STARD9: variants seen among roughly 807,000 people sequenced by gnomAD.
The protein encoded by STARD9 is StAR related lipid transfer domain containing 9, also known as stAR-related lipid transfer protein 9.
A neutral mutation model predicts 399.8 loss-of-function variants in STARD9; 346 were observed. The ratio of observed to expected loss-of-function variants is 0.87; its 90% CI spans 0.79 to 0.95. STARD9 has a LOEUF of 0.95. STARD9 is among the 40% of genes least tolerant of loss of function. The probability of loss-of-function intolerance (pLI) is 0.00; values close to 1 mark genes in which losing one functional copy is unlikely to be tolerated. For synonymous variants in STARD9, 2,203 were observed against 2,143.5 expected, an observed-to-expected ratio of 1.03 and a Z score of -0.77; for missense variants, 5,832 against 5,667.5, an observed-to-expected ratio of 1.03 and a Z score of -0.93.
intron 22 of STARD9, 149 bp from the exon 23 acceptor site, chr15:42,683,967 G>C (rs2060489578): frequency 1.6e-5 from 13 of 794,940 alleles, no homozygotes; most frequent in Non-Finnish European, 2.1e-5. Flanking sequence ...TAGGACTAGA[G>C]TCCACAATTT....
In STARD9 at chr15:42,685,230, C is replaced by A; in HGVS notation, c.3652C>A (p.Gln1218Lys). 1 of 1,537,320 alleles carries A rather than the reference C, an allele frequency of 6.5e-7. No homozygotes were observed. ...IDAEEELGED[Q>K]QEEPFPGSAD... ...TGCAGAGGAAGAACTGGGGGAAGATCAGCAAGAAGAACCTTTCCCTGGTTC... is the reference window on the plus strand; with the variant it reads ...TGCAGAGGAAGAACTGGGGGAAGATAAGCAAGAAGAACCTTTCCCTGGTTC... Residue 1218 changes from glutamine to lysine, a missense_variant, in exon 23 of 33, where the codon CAG becomes AAG. Around this residue, in one of 2 missense-constraint regions of STARD9, gnomAD observed 5,828 missense variants for 5,651.1 expected, o/e 1.03. Coordinates refer to ENST00000290607, the MANE Select transcript of STARD9 (RefSeq NM_020759.3).
In STARD9 at chr15:42,687,544, A is replaced by C; in HGVS notation, c.5966A>C (p.Asp1989Ala). 6.5e-7 allele frequency: 1 copy of C among 1,537,002 alleles called. No individual in the cohort carries two copies. The highest frequency in any genetic ancestry group is 8.7e-7 in the Non-Finnish European group (1 of 1,146,856). ...GLLEKGLRPK[D>A]SSEEFKLPGT... The stretch of plus-strand genomic sequence containing the variant: ...CTTGAAAAAGGTCTTCGTCCCAAAG[A>C]TAGCTCAGAAGAGTTTAAGCTTCCA... Residue 1989 changes from aspartate to alanine, a missense_variant, in exon 23 of 33, where the codon GAT (aspartate) becomes GCT (alanine). By Grantham distance (126) the Asp-to-Ala change is moderately radical (BLOSUM62 -2). Around this residue, in one of 2 missense-constraint regions of STARD9, gnomAD observed 5,828 missense variants for 5,651.1 expected, o/e 1.03. Coordinates refer to ENST00000290607, the MANE Select transcript of STARD9 (RefSeq NM_020759.3).
intron 20 of STARD9, among the ~76,000 whole-genome samples, chr15:42,678,036 C>T (rs2060346841): frequency 6.6e-6 from 1 of 152,180 alleles, no homozygotes; most frequent in African/African-American, 2.4e-5. Context: ...AGAATCAAGG[C>T]CTCTCCCACC....
chr15:42,650,329 C>A (rs373672158), intron 7 of STARD9, among the ~76,000 whole-genome samples: 8 of 152,294 alleles, frequency 5.3e-5, no homozygotes, highest in African/African-American at 1.9e-4. Context: ...TTGAATCTCT[C>A]ATACAGAGAT....
chr15:42,611,748 G>A (rs112292611), intron 3 of STARD9, among the ~76,000 whole-genome samples: 11 of 152,284 alleles, frequency 7.2e-5, no homozygotes, highest in Admixed American at 2.6e-4. Context: ...ATACAAGGAC[G>A]AGGGGTGATT....
intron 3 of STARD9, among the ~76,000 whole-genome samples, chr15:42,619,641 A>C (rs2059045988): frequency 6.6e-6 from 1 of 152,196 alleles, no homozygotes; most frequent in South Asian, 2.1e-4. Flanking sequence ...ACTCTTGTGA[A>C]AATGTAATGC....
chr15:42,663,792 G>A, intron 12 of STARD9, 28 bp from the exon 13 acceptor site: 1 of 1,485,582 alleles, frequency 6.7e-7, no homozygotes, highest in Non-Finnish European at 9.1e-7. Context: ...GGGCTGGCAT[G>A]TTTTTAAACT....
chr15:42,701,156 G>C (rs1201490897), intron 26 of STARD9, among the ~76,000 whole-genome samples: 1 of 152,104 alleles, frequency 6.6e-6, no homozygotes, highest in Non-Finnish European at 1.5e-5. Flanking sequence ...GATTACTATA[G>C]CTTGGTAGTA....
In STARD9 at chr15:42,716,876, T is replaced by G. The variant is rs2061360511; in HGVS notation, c.13373-51T>G. The G allele has an allele frequency of 1.6e-5, 24 of 1,535,482 alleles. 1 individual carries two copies. In the South Asian group the frequency reaches 2.7e-4, roughly 18 times the overall value. On this transcript the variant is annotated intron_variant, in intron 27 of 32. Coordinates refer to ENST00000290607, the MANE Select transcript of STARD9 (RefSeq NM_020759.3). ...GTCTGTGGGAGAGCTGTTGCTGTCC[T>G]GAGGCCCTGATGTTCAGTGCTATCA...
In STARD9 at chr15:42,691,298, T is replaced by C. The variant is rs942814592; in HGVS notation, c.9720T>C (p.Asp3240=). 2.0e-6 allele frequency: 3 copies of C among 1,537,246 alleles called. No homozygotes were observed. Among genetic ancestry groups the C allele is most frequent in the Non-Finnish European group, 2.6e-6 (3 of 1,146,888 alleles). The change falls in exon 23 of 33, where the codon GAT becomes GAC. Residue 3240 remains aspartate (D), a synonymous_variant. Coordinates refer to ENST00000290607, the MANE Select transcript of STARD9 (RefSeq NM_020759.3). ...VNPLPDEDGL[D]GCQILDAGRE... is the part of the protein sequence containing the mutation. ...CCCTTCCTGATGAAGATGGCTTAGA[T>C]GGCTGTCAGATTTTAGATGCTGGGA...
intron 7 of STARD9, 56 bp from the exon 8 acceptor site, chr15:42,650,960 T>C (rs2059750360): frequency 1.5e-6 from 2 of 1,296,896 alleles, no homozygotes; most frequent in Non-Finnish European, 2.1e-6. Context: ...AAGAAAAGGT[T>C]AAAGTTTACC....
chr15:42,715,962 G>C (rs1178239600), intron 26 of STARD9, among the ~76,000 whole-genome samples: 2 of 152,210 alleles, frequency 1.3e-5, no homozygotes, highest in Non-Finnish European at 2.9e-5. Context: ...AGAAGGGCCT[G>C]CTGTCTGTGA....
At chr15:42,605,640 A>T (rs1226548505) in intron 3 of STARD9, among the ~76,000 whole-genome samples, 1 of 152,122 alleles carries the variant, frequency 6.6e-6, no homozygotes, top group Non-Finnish European at 1.5e-5. Flanking sequence ...CAATAACTTT[A>T]TTTCCCAATT....
chr15:42,717,862 C>G, intron 29 of STARD9, 67 bp downstream of exon 29: 2 of 1,509,434 alleles, frequency 1.3e-6, no homozygotes, highest in Middle Eastern at 1.7e-4. Context: ...CTTGGCTTCT[C>G]TCCTCCTTTC....
chr15:42,669,043 G>A, intron 15 of STARD9, 115 bp from the exon 16 acceptor site: 1 of 889,658 alleles, frequency 1.1e-6, no homozygotes, highest in Admixed American at 2.6e-5. Flanking sequence ...AATAGTATCT[G>A]GGAGGATCAT....
rs2060016352 is a variant in STARD9 at position 42,662,825 on chromosome 15, C to T, written c.802C>T (p.Arg268Cys). Reference sequence around the variant, plus strand: ...AGCAGATCCCAGTTACTGTAAGGACCGCATTGCTGAAGGAGCCAATATCAA... The same window carrying T: ...AGCAGATCCCAGTTACTGTAAGGACTGCATTGCTGAAGGAGCCAATATCAA... ...ERADPSYCKDRIAEGANINKS... is the reference protein window; with the variant it reads ...ERADPSYCKDCIAEGANINKS... The change falls in exon 11 of 33, where the codon CGC (arginine) becomes TGC (cysteine). Residue 268 changes from arginine to cysteine, a missense_variant. Arg to Cys is a radical substitution (Grantham distance 180, BLOSUM62 -3). Transcript: ENST00000290607. 9 of 1,537,378 alleles carry T rather than the reference C, an allele frequency of 5.9e-6. No homozygotes were observed. The highest frequency in any genetic ancestry group is 1.7e-4 in the Middle Eastern group (1 of 5,992).
chr15:42,717,159 T>A (rs1392625470), intron 28 of STARD9, 111 bp downstream of exon 28: 36 of 1,219,662 alleles, frequency 3.0e-5, no homozygotes, highest in Non-Finnish European at 4.1e-5. Context: ...CCAAGGCTTG[T>A]GGGCATCTTC....
At position 42,690,654 on chromosome 15, in the gene STARD9, G is replaced by A. The variant is rs1285301833; in HGVS notation, c.9076G>A (p.Glu3026Lys). Residue 3026 changes from glutamate to lysine, a missense_variant, in exon 23 of 33, where the codon GAG becomes AAG. By Grantham distance (56) the Glu-to-Lys change is moderately conservative. Around this residue, in one of 2 missense-constraint regions of STARD9, gnomAD observed 5,828 missense variants for 5,651.1 expected, o/e 1.03. Coordinates refer to ENST00000290607, the MANE Select transcript of STARD9 (RefSeq NM_020759.3). The part of the protein sequence containing the change: ...GPDVHLTHGL[E>K]PKDVNREFRL... ...TGATGTGCACTTGACACATGGCCTT[G>A]AGCCCAAAGATGTTAACAGGGAATT... The A allele has an allele frequency of 2.0e-6, 3 of 1,537,220 alleles. No homozygotes were observed. The highest frequency in any genetic ancestry group is 2.4e-5 in the South Asian group (2 of 84,056).
At chr15:42,616,250 G>T (rs1239354976) in intron 3 of STARD9, among the ~76,000 whole-genome samples, 1 of 152,154 alleles carries the variant, frequency 6.6e-6, no homozygotes, top group African/African-American at 2.4e-5. Context: ...TTAATAATGG[G>T]CAAAAGACTC....
Sources: allele counts gnomAD v4.1 joint callset (sites outside exome capture counted in the v4.1 genomes callset), GRCh38; gene constraint gnomAD v4.1.1; regional missense constraint gnomAD v4.1.1; transcripts MANE v1.5; gene names NCBI Gene and HGNC (gene_info 2026-07-23, HGNC 2026-07-21).